Variants in ZDHHC14 observed in about 807,000 individuals in gnomAD.
ZDHHC14 encodes zDHHC palmitoyltransferase 14.
In ZDHHC14, 16 loss-of-function variants were observed where a neutral mutation model predicts 47.7. That is an observed-to-expected ratio of 0.34 (90% CI 0.23 to 0.51). The LOEUF (loss-of-function observed/expected upper bound fraction) is 0.51. Ranked by LOEUF, ZDHHC14 falls within the 20% of genes least tolerant of loss-of-function variation. The probability of loss-of-function intolerance (pLI) is 0.97; values close to 1 mark genes in which losing one functional copy is unlikely to be tolerated. For synonymous variants in ZDHHC14, 293 were observed against 278.9 expected (o/e 1.05, Z -0.50); for missense variants, 515 against 662.5 (o/e 0.78, Z 2.44).
At chr6:157,640,024 G>GC in intron 5 of ZDHHC14, among the ~76,000 whole-genome samples, 1 of 152,180 alleles carries the variant, frequency 6.6e-6, no homozygotes, top group African/African-American at 2.4e-5. Context: ...CCTGTCAGGT[G>GC]CCTGTCCGGG....
chr6:157,487,867 C>T (rs757733049), intron 1 of ZDHHC14, among the ~76,000 whole-genome samples: 19 of 152,184 alleles, frequency 1.2e-4, no homozygotes, highest in African/African-American at 2.9e-4. Context: ...GCAGGTCCCC[C>T]GGAGCTGCTC....
At chr6:157,558,655 C>A (rs987727230) in intron 2 of ZDHHC14, among the ~76,000 whole-genome samples, 8 of 151,998 alleles carry the variant, frequency 5.3e-5, no homozygotes, top group Admixed American at 3.9e-4. Context: ...TGTTTGGGAT[C>A]CTCATTTCAG....
intron 1 of ZDHHC14, among the ~76,000 whole-genome samples, chr6:157,423,138 T>G (rs576806697): frequency 6.6e-6 from 1 of 152,324 alleles, no homozygotes; most frequent in Non-Finnish European, 1.5e-5. Context: ...TGATATTCCT[T>G]AGCTTAATAA....
At chr6:157,635,541 G>A (rs867843621) in intron 5 of ZDHHC14, among the ~76,000 whole-genome samples, 2 of 152,372 alleles carry the variant, frequency 1.3e-5, no homozygotes, top group Middle Eastern at 3.4e-3. Flanking sequence ...GACAAAGTCA[G>A]TTATTCAGGA....
chr6:157,466,849 C>T (rs1369261484), intron 1 of ZDHHC14, among the ~76,000 whole-genome samples: 1 of 150,858 alleles, frequency 6.6e-6, no homozygotes, highest in Non-Finnish European at 1.5e-5. Flanking sequence ...AAACAAAAAA[C>T]AAAAAAAATT....
chr6:157,412,621 T>C lies in ZDHHC14; in HGVS notation c.245+30355T>C, dbSNP rs544038862. ...AGAATGCAGTTTGCAGTGGGAATTG[T>C]CTTAGCTTGAAGTGGTCATTACCTT... On this transcript the variant is annotated intron_variant, in intron 1 of 8. Coordinates refer to ENST00000359775, the MANE Select transcript of ZDHHC14 (RefSeq NM_024630.3). Among the ~76,000 whole-genome samples, 3 of 152,254 alleles carry C rather than the reference T, an allele frequency of 2.0e-5. No homozygotes were observed. In the East Asian group the frequency reaches 5.8e-4, roughly 29 times the overall value.
At chr6:157,410,051 G>A (rs554520039) in intron 1 of ZDHHC14, among the ~76,000 whole-genome samples, 7 of 151,936 alleles carry the variant, frequency 4.6e-5, no homozygotes, top group African/African-American at 9.7e-5. Flanking sequence ...GGCTGGTCTC[G>A]AACTCCTGGC....
In ZDHHC14 at chr6:157,673,060, G is replaced by T; in HGVS notation, c.1405G>T (p.Ala469Ser). Residue 469 changes from alanine (A) to serine (S), a missense_variant, in exon 9 of 9, where the codon GCC becomes TCC. Around this residue, in one of 4 missense-constraint regions of ZDHHC14, gnomAD observed 221 missense variants for 233.6 expected, o/e 0.95. Transcript: ENST00000359775. This position sits in a 1 kb window ranked among gnomAD's most constrained non-coding sequence, Gnocchi z 5.4. ...HSRTMHVLGL[A>S]SQDSLHEDSV... ...CCGCACCATGCACGTGCTGGGCCTG[G>T]CCAGCCAGGACTCCCTGCATGAGGA... 1 of 1,568,800 alleles carries T rather than the reference G, an allele frequency of 6.4e-7. No individual in the cohort carries two copies. The highest frequency in any genetic ancestry group is 1.8e-5 in the Admixed American group (1 of 56,204).
At chr6:157,478,390 T>C (rs1779541560) in intron 1 of ZDHHC14, among the ~76,000 whole-genome samples, 1 of 152,236 alleles carries the variant, frequency 6.6e-6, no homozygotes, top group South Asian at 2.1e-4. Context: ...TCTCACAATC[T>C]TACTCTCTTA....
At chr6:157,536,023 A>G (rs910112583) in intron 1 of ZDHHC14, among the ~76,000 whole-genome samples, 2 of 151,472 alleles carry the variant, frequency 1.3e-5, no homozygotes, top group Admixed American at 6.5e-5. Context: ...ATTTCTCACA[A>G]TGCTACTCTG....
intron 3 of ZDHHC14, among the ~76,000 whole-genome samples, chr6:157,597,174 C>T (rs1038071859): frequency 2.0e-5 from 3 of 152,184 alleles, no homozygotes; most frequent in Non-Finnish European, 2.9e-5. Context: ...AAACAACCAA[C>T]AGCTGGGGCC....
At chr6:157,393,907 C>T (rs533163206) in intron 1 of ZDHHC14, among the ~76,000 whole-genome samples, 1 of 152,246 alleles carries the variant, frequency 6.6e-6, no homozygotes, top group Admixed American at 6.5e-5. Flanking sequence ...GTTGCTCTGG[C>T]CTTTGCAAAT....
At chr6:157,628,617 T>G in intron 4 of ZDHHC14, 131 bp downstream of exon 4, 1 of 1,236,600 alleles carries the variant, frequency 8.1e-7, no homozygotes, top group Admixed American at 2.3e-5. Context: ...TTTCCCCTCC[T>G]CACTTCCAGC....
Position 157,593,013 on chromosome 6 carries a change from G to A in ZDHHC14, c.432G>A (p.Gly144=), listed in dbSNP as rs1422631336. 1 of 1,614,002 alleles carries A rather than the reference G, an allele frequency of 6.2e-7. No homozygotes were observed. The highest frequency in any genetic ancestry group is 1.3e-5 in the African/African-American group (1 of 75,052). Residue 144 remains glycine, a synonymous_variant, in exon 3 of 9, where the codon GGG becomes GGA. Transcript: ENST00000359775. ...ATATCGCAAACGGCACCAGTTCAGG[G>A]GGGTACCGCCCGCCTCCCAGAACCA... ...QIDIANGTSS[G]GYRPPPRTKE...
At chr6:157,672,629 A>T (rs878910763) in intron 8 of ZDHHC14, 95 bp from the exon 9 acceptor site, 10 of 94,144 alleles carry the variant, frequency 1.1e-4, no homozygotes, top group South Asian at 4.2e-4. Context: ...CTCGCACCCC[A>T]CCCTCCCCGC....
chr6:157,592,791 G>T, intron 2 of ZDHHC14, 197 bp from the exon 3 acceptor site: 1 of 1,405,202 alleles, frequency 7.1e-7, no homozygotes, highest in South Asian at 1.7e-5. Flanking sequence ...CGTGGCCCCT[G>T]CACGTGTGCA....
At chr6:157,533,391 A>AGT (rs1781433359) in intron 1 of ZDHHC14, among the ~76,000 whole-genome samples, 6 of 152,196 alleles carry the variant, frequency 3.9e-5, no homozygotes, top group Non-Finnish European at 8.8e-5. Context: ...ATGGCTGGTC[A>AGT]TAGGAGGGCT....
chr6:157,487,094 A>G lies in ZDHHC14; in HGVS notation c.246-55491A>G, dbSNP rs369007791. ...TTTGAACTTGGGTCTTTGTGACACC[A>G]AACCTTAAGCTCTTCCTCTCTGTCT... On this transcript the variant is annotated intron_variant, in intron 1 of 8. Transcript: ENST00000359775. Among the ~76,000 whole-genome samples, 44 of 152,366 alleles carry G rather than the reference A, an allele frequency of 2.9e-4. No homozygotes were observed. The South Asian group carries it at 8.1e-3, about 28-fold the overall frequency.
At chr6:157,574,492 C>T (rs145957750) in intron 2 of ZDHHC14, among the ~76,000 whole-genome samples, 7,804 of 152,196 alleles carry the variant, frequency 0.051, 232 homozygotes, top group Admixed American at 0.069. Flanking sequence ...CTCTGAGGTC[C>T]AATTCTGCAT....
Sources: gnomAD v4.1 joint callset for allele counts (sites outside exome capture counted in the v4.1 genomes callset) on GRCh38, gnomAD v4.1.1 for gene constraint, gnomAD v4.1.1 regional missense constraint, Gnocchi (gnomAD v3.1) non-coding constraint, MANE v1.5 for transcripts, NCBI Gene and HGNC (gene_info 2026-07-23, HGNC 2026-07-21) for gene names.